Variants in RGS17 observed in about 807,000 individuals in gnomAD.
RGS17 encodes regulator of G protein signaling 17.
Under a neutral mutation model 25.5 loss-of-function variants are expected in RGS17, and 12 were observed. The observed-to-expected ratio is 0.47, with a 90% CI of 0.30 to 0.76. The LOEUF (loss-of-function observed/expected upper bound fraction) is 0.76, where lower values mean the gene tolerates loss of function less well. Among genes scored for constraint, RGS17 ranks in the 30% least tolerant of loss-of-function variants. RGS17 has a pLI of 0.07. For synonymous variants in RGS17, 71 were observed against 76.9 expected (o/e 0.92, Z 0.40); for missense variants, 196 against 242.2 (o/e 0.81, Z 1.27).
intron 1 of RGS17, among the ~76,000 whole-genome samples, chr6:153,047,621 C>T (rs9479485): frequency 0.38 from 57,333 of 151,890 alleles, 11,399 homozygotes; most frequent in East Asian, 0.62. Flanking sequence ...GGATTAGTGC[C>T]CTTATAAGAA....
chr6:153,006,575 T>C lies in RGS17; in HGVS notation c.*4999A>G, dbSNP rs1236216957. 1 of 152,546 alleles carries C rather than the reference T, an allele frequency of 6.6e-6. No individual in the cohort carries two copies. The highest frequency in any genetic ancestry group is 2.4e-5 in the African/African-American group (1 of 41,438). The allele number at this position is 152,546 out of a possible 1,614,324, so 9.4% of individuals were successfully genotyped here. A position where few individuals can be genotyped will look rare whatever the true frequency, so the allele number is the denominator to read the frequency against. On this transcript the variant is annotated 3_prime_UTR_variant, in exon 5 of 5. Coordinates refer to ENST00000206262, the MANE Select transcript of RGS17 (RefSeq NM_012419.5). Reference sequence around the variant, plus strand: ...ATAGTGTTCCATCTTAAAACATGATTGTATGTTTTGATGAGTAGCTAAATC... The same window carrying C: ...ATAGTGTTCCATCTTAAAACATGATCGTATGTTTTGATGAGTAGCTAAATC...
intron 1 of RGS17, among the ~76,000 whole-genome samples, chr6:153,083,069 G>A (rs908363588): frequency 5.3e-5 from 8 of 152,104 alleles, no homozygotes; most frequent in African/African-American, 1.9e-4. Flanking sequence ...TGGCTTTGTA[G>A]AATTTCACTT....
intron 1 of RGS17, among the ~76,000 whole-genome samples, chr6:153,111,239 C>CACAGCAG (rs1432146845): frequency 1.3e-5 from 2 of 152,184 alleles, no homozygotes; most frequent in African/African-American, 2.4e-5. Flanking sequence ...TGCTGGGATG[C>CACAGCAG]TCGAGCTTAG....
intron 2 of RGS17, among the ~76,000 whole-genome samples, chr6:153,031,159 A>T (rs2281424): frequency 0.12 from 17,545 of 152,172 alleles, 1,269 homozygotes; most frequent in South Asian, 0.31. Context: ...ATCCAAGAAA[A>T]TGATGAGGTG....
At chr6:153,102,637 T>C (rs1397475426) in intron 1 of RGS17, among the ~76,000 whole-genome samples, 1 of 151,986 alleles carries the variant, frequency 6.6e-6, no homozygotes, top group Non-Finnish European at 1.5e-5. Context: ...TTAGAGTTTC[T>C]CCAGGCCCCT....
rs1584113664 is a variant in RGS17, at chr6:153,005,237, T to C, written c.*6337A>G. 6.6e-6 allele frequency: 1 copy of C among 152,222 alleles called. No homozygotes were observed. The highest frequency in any genetic ancestry group is 1.9e-4 in the East Asian group (1 of 5,204). The allele number at this position is 152,222 out of a possible 1,614,324, so 9.4% of individuals were successfully genotyped here. A position where few individuals can be genotyped will look rare whatever the true frequency, so the allele number is the denominator to read the frequency against. On this transcript the variant is annotated 3_prime_UTR_variant, in exon 5 of 5. Coordinates refer to ENST00000206262, the MANE Select transcript of RGS17 (RefSeq NM_012419.5). The stretch of plus-strand genomic sequence containing the variant: ...ATATCCAAAGTATGTGGAGGATTAT[T>C]GTAAATTGCGCAGACAGTTCAAGGG...
At chr6:153,106,731 C>T (rs1480237204) in intron 1 of RGS17, among the ~76,000 whole-genome samples, 1 of 151,964 alleles carries the variant, frequency 6.6e-6, no homozygotes, top group African/African-American at 2.4e-5. Context: ...CAACCTCCAC[C>T]TCCCGGTTTC....
At chr6:153,050,859 A>G (rs1244046790) in intron 1 of RGS17, among the ~76,000 whole-genome samples, 1 of 148,044 alleles carries the variant, frequency 6.8e-6, no homozygotes, top group Non-Finnish European at 1.5e-5. Context: ...AAATGTAATG[A>G]TATTTGGAGA....
intron 1 of RGS17, among the ~76,000 whole-genome samples, chr6:153,103,934 G>A (rs1777342848): frequency 6.6e-6 from 1 of 152,148 alleles, no homozygotes; most frequent in African/African-American, 2.4e-5. Flanking sequence ...CTTTGAAGAG[G>A]ATACCACATC....
rs1317241857 is a variant in RGS17 at position 153,130,717 on chromosome 6, C to G, written c.-26+407G>C. 6.6e-6 allele frequency among the ~76,000 whole-genome samples: 1 copy of G among 152,152 alleles called. No individual in the cohort carries two copies. ...GCACAAAACCCGCAACACCTCGCGT[C>G]CCCGCGGGGTCTCCCGCGCCCCTGG... is the stretch of plus-strand genomic sequence containing the variant. On this transcript the variant is annotated intron_variant, in intron 1 of 4. Transcript: ENST00000206262. This position sits in a 1 kb window ranked among gnomAD's most constrained non-coding sequence, Gnocchi z 6.4.
At chr6:153,065,612 A>G (rs1018920678) in intron 1 of RGS17, among the ~76,000 whole-genome samples, 1 of 152,350 alleles carries the variant, frequency 6.6e-6, no homozygotes, top group Admixed American at 6.5e-5. Flanking sequence ...AAAACTAGAA[A>G]TCAATAACAA....
chr6:153,095,595 T>C (rs1045173816), intron 1 of RGS17, among the ~76,000 whole-genome samples: 3 of 152,062 alleles, frequency 2.0e-5, no homozygotes, highest in African/African-American at 7.2e-5. Flanking sequence ...CGAAAACTAC[T>C]TCATGGGATT....
In RGS17 at chr6:153,120,289, A is replaced by G. The variant is rs557126924; in HGVS notation, c.-26+10835T>C. Among the ~76,000 whole-genome samples the G allele has an allele frequency of 5.3e-4, 80 of 152,272 alleles. 1 individual carries two copies. Among genetic ancestry groups the G allele is most frequent in the African/African-American group, 1.8e-3 (76 of 41,564 alleles). On this transcript the variant is annotated intron_variant, in intron 1 of 4. Transcript: ENST00000206262. ...TTCTGATGGCTATGTCAAACTACTG[A>G]ACTCAACTTATTTCCTCACTAACCT... is the stretch of plus-strand genomic sequence containing the variant.
rs200509433 is a variant in RGS17, at chr6:153,026,495, T to C, written c.168A>G (p.Thr56=). The change falls in exon 3 of 5, where the codon ACA becomes ACG. Residue 56 remains threonine, a synonymous_variant. Transcript: ENST00000206262. ...GGATACTCTCCATTTTTGTAGTGTG[T>C]GTGGGTCTTCCCGCATTTTCCCCTC... ...EERGENAGRP[T]HTTKMESIQV... is the part of the protein sequence containing the mutation. 1 of 1,613,624 alleles carries C rather than the reference T, an allele frequency of 6.2e-7. No homozygotes were observed. Among genetic ancestry groups the C allele is most frequent in the East Asian group, 2.2e-5 (1 of 44,850 alleles).
At chr6:153,123,297 A>G (rs1777663972) in intron 1 of RGS17, among the ~76,000 whole-genome samples, 1 of 152,148 alleles carries the variant, frequency 6.6e-6, no homozygotes, top group Non-Finnish European at 1.5e-5. Context: ...ATCTTACATT[A>G]GCATACATTT....
At chr6:153,043,787 AAG>A (rs1409295045) in intron 2 of RGS17, 111 bp downstream of exon 2, 1 of 632,182 alleles carries the variant, frequency 1.6e-6, no homozygotes. Flanking sequence ...CTTGCAAAGA[AAG>A]AACAAAAAAA....
chr6:153,057,690 A>C (rs1258130691), intron 1 of RGS17, among the ~76,000 whole-genome samples: 2 of 152,184 alleles, frequency 1.3e-5, no homozygotes, highest in African/African-American at 4.8e-5. Flanking sequence ...ATAATGAAAT[A>C]ATTATGCAAC....
chr6:153,059,317 G>A (rs1422245468), intron 1 of RGS17, among the ~76,000 whole-genome samples: 2 of 152,140 alleles, frequency 1.3e-5, no homozygotes, highest in African/African-American at 4.8e-5. Context: ...CTGTTTGACA[G>A]AGGCACCTTG....
chr6:153,043,014 G>A (rs1776341724), intron 2 of RGS17, among the ~76,000 whole-genome samples: 1 of 152,266 alleles, frequency 6.6e-6, no homozygotes, highest in Non-Finnish European at 1.5e-5. Context: ...AAAATGTATG[G>A]TTCAAAGGAA....
Sources: allele counts gnomAD v4.1 joint callset (sites outside exome capture counted in the v4.1 genomes callset), GRCh38; gene constraint gnomAD v4.1.1; non-coding constraint Gnocchi (gnomAD v3.1); transcripts MANE v1.5; gene names NCBI Gene and HGNC (gene_info 2026-07-23, HGNC 2026-07-21).